ACP7: variants seen among roughly 807,000 people sequenced by gnomAD.
The protein encoded by ACP7 is acid phosphatase type 7.
ACP7 carries 58 observed loss-of-function variants against 60.6 expected under a neutral mutation model. That is an observed-to-expected ratio of 0.96 (90% CI 0.77 to 1.19). ACP7 has a LOEUF of 1.19. ACP7 is among the 50% of genes most tolerant of loss of function. The pLI is 0.00. For synonymous variants in ACP7, 237 were observed against 232.6 expected (o/e 1.02, Z -0.17); for missense variants, 574 against 596.2 (o/e 0.96, Z 0.39).
intron 12 of ACP7, among the ~76,000 whole-genome samples, chr19:39,109,479 C>T (rs186966719): frequency 2.0e-5 from 3 of 151,720 alleles, no homozygotes; most frequent in South Asian, 2.1e-4. Flanking sequence ...CTGAGGCAGG[C>T]GGATCACTTG....
chr19:39,102,116 T>TCACACACA (rs1491334043), intron 11 of ACP7, among the ~76,000 whole-genome samples: 6 of 68,168 alleles, frequency 8.8e-5, no homozygotes, highest in African/African-American at 4.5e-4. Flanking sequence ...TGAGACCCTT[T>TCACACACA]CTCTCACACA....
chr19:39,088,420 G>A (rs1034301774), intron 2 of ACP7, among the ~76,000 whole-genome samples: 1 of 152,170 alleles, frequency 6.6e-6, no homozygotes, highest in Admixed American at 6.6e-5. Context: ...TGGACAAAGC[G>A]CTTTGCCTGG....
At position 39,086,317 on chromosome 19, in the gene ACP7, A is replaced by G. The variant is rs568882882; in HGVS notation, c.121+927A>G. ...ACTCCAGCCTGGGCAACAGAGAGAG[A>G]CCCTGTCTTTAAAAAAAAAAATGTG... On this transcript the variant is annotated intron_variant, in intron 2 of 12. Coordinates refer to ENST00000331256, the MANE Select transcript of ACP7 (RefSeq NM_001004318.3). Among the ~76,000 whole-genome samples the G allele has an allele frequency of 8.7e-5, 13 of 149,888 alleles. No individual in the cohort carries two copies. The South Asian group carries it at 1.9e-3, about 22-fold the overall frequency.
chr19:39,103,441 G>GTTTTTTTTTTTTT (rs58293250), intron 11 of ACP7, among the ~76,000 whole-genome samples: 4 of 64,690 alleles, frequency 6.2e-5, no homozygotes, highest in African/African-American at 2.7e-4. Flanking sequence ...ATCATCATGT[G>GTTTTTTTTTTTTT]TTTTTTTTTT....
At chr19:39,098,189 G>T (rs1430619171) in intron 2 of ACP7, among the ~76,000 whole-genome samples, 1 of 136,010 alleles carries the variant, frequency 7.4e-6, no homozygotes, top group Non-Finnish European at 1.5e-5. Context: ...AGGCGGCAGA[G>T]ATTGCAGTAA....
chr19:39,104,297 T>C (rs946337587), intron 11 of ACP7, among the ~76,000 whole-genome samples: 2 of 151,974 alleles, frequency 1.3e-5, no homozygotes, highest in African/African-American at 4.8e-5. Flanking sequence ...CATGTTACTG[T>C]ATTGCTTACT....
intron 11 of ACP7, among the ~76,000 whole-genome samples, chr19:39,102,759 C>CT (rs1491405619): frequency 1.2e-5 from 1 of 84,406 alleles, no homozygotes; most frequent in African/African-American, 4.2e-5. Flanking sequence ...TTCTTTCTTT[C>CT]TTTCTTTCTC....
rs538461835 is a variant in ACP7 at position 39,101,271 on chromosome 19, C to T, written c.974-17C>T. On this transcript the variant is annotated splice_polypyrimidine_tract_variant and intron_variant, in intron 9 of 12. Transcript: ENST00000331256. ...CTCCCCAATTCAGAGGTCTGATCCCCGCTTGCTCTATCTCAGGAGTGGATC... is the reference window on the plus strand; with the variant it reads ...CTCCCCAATTCAGAGGTCTGATCCCTGCTTGCTCTATCTCAGGAGTGGATC... 43 of 1,614,228 alleles carry T rather than the reference C, an allele frequency of 2.7e-5. No homozygotes were observed. Among genetic ancestry groups the T allele is most frequent in the East Asian group, 6.7e-5 (3 of 44,880 alleles).
intron 2 of ACP7, among the ~76,000 whole-genome samples, chr19:39,093,175 C>CTTCCTTCCTTCCTTCCTTCCTTCT (rs2073227414): frequency 2.4e-5 from 1 of 42,260 alleles, no homozygotes. Flanking sequence ...TCTTTCTCTC[C>CTTCCTTCCTTCCTTCCTTCCTTCT]TTCCTTCCTT....
At chr19:39,092,370 GTA>G (rs59033785) in intron 2 of ACP7, among the ~76,000 whole-genome samples, 2,720 of 148,906 alleles carry the variant, frequency 0.018, 27 homozygotes, top group East Asian at 0.059. Context: ...GCGAAACTCT[GTA>G]TATATATATA....
intron 11 of ACP7, among the ~76,000 whole-genome samples, chr19:39,102,169 G>GGTGGCTAGGTGCA (rs978324839): frequency 1.4e-5 from 2 of 141,686 alleles, no homozygotes; most frequent in Non-Finnish European, 3.0e-5. Context: ...AAAGATACTG[G>GGTGGCTAGGTGCA]GTGGCTAGGT....
chr19:39,104,102 A>C (rs1044916587), intron 11 of ACP7, among the ~76,000 whole-genome samples: 2 of 151,046 alleles, frequency 1.3e-5, no homozygotes, highest in African/African-American at 4.9e-5. Flanking sequence ...TATTATCATT[A>C]TATATATGTA....
rs143246822 is a variant in ACP7, at chr19:39,094,234, C to T, written c.122-4224C>T. ...ATATGTTGTAGGCTGGGCGTGGTGG[C>T]TCACCCAAAGTGCTGATCCCAGCAC... is the stretch of plus-strand genomic sequence containing the variant. On this transcript the variant is annotated intron_variant, in intron 2 of 12. Coordinates refer to ENST00000331256, the MANE Select transcript of ACP7 (RefSeq NM_001004318.3). 2.6e-3 allele frequency among the ~76,000 whole-genome samples: 403 copies of T among 152,182 alleles called. 1 individual carries two copies. The highest frequency in any genetic ancestry group is 9.1e-3 in the African/African-American group (379 of 41,538).
chr19:39,091,712 C>T (rs1219855526), intron 2 of ACP7, among the ~76,000 whole-genome samples: 3 of 151,878 alleles, frequency 2.0e-5, no homozygotes, highest in African/African-American at 7.3e-5. Flanking sequence ...GAGTTCAAGA[C>T]CAGCCTGGCC....
chr19:39,109,685 TAAAAAAAAAAAAA>T (rs34682645), intron 12 of ACP7, among the ~76,000 whole-genome samples: 1 of 65,502 alleles, frequency 1.5e-5, no homozygotes, highest in Non-Finnish European at 2.6e-5. Context: ...AGACTCTGTC[TAAAAAAAAAAAAA>T]AAAAAAAAAA....
intron 11 of ACP7, among the ~76,000 whole-genome samples, chr19:39,105,338 A>G (rs1161210989): frequency 6.6e-6 from 1 of 151,838 alleles, no homozygotes; most frequent in Non-Finnish European, 1.5e-5. Flanking sequence ...TTTCATCAGA[A>G]ACATTCTCTA....
At chr19:39,106,666 G>T (rs1403667790) in intron 11 of ACP7, among the ~76,000 whole-genome samples, 3 of 152,180 alleles carry the variant, frequency 2.0e-5, no homozygotes, top group Non-Finnish European at 4.4e-5. Context: ...TGGGAGTACA[G>T]GTGCCCACCA....
Position 39,085,105 on chromosome 19 carries a change from A to G in ACP7, c.-165A>G. ...TTCTCTCTCCAGCACCTGGATAACCACCCATCTTGAAGGAGACCTCCCTGC... is the reference window on the plus strand; with the variant it reads ...TTCTCTCTCCAGCACCTGGATAACCGCCCATCTTGAAGGAGACCTCCCTGC... On this transcript the variant is annotated 5_prime_UTR_variant, in exon 2 of 13. Coordinates refer to ENST00000331256, the MANE Select transcript of ACP7 (RefSeq NM_001004318.3). 2.4e-6 allele frequency: 2 copies of G among 828,386 alleles called. No homozygotes were observed. Among genetic ancestry groups the G allele is most frequent in the Non-Finnish European group, 3.6e-6 (2 of 548,436 alleles). The allele number at this position is 828,386 out of a possible 1,614,324, so 51.3% of individuals were successfully genotyped here. A position where few individuals can be genotyped will look rare whatever the true frequency, so the allele number is the denominator to read the frequency against.
intron 2 of ACP7, among the ~76,000 whole-genome samples, chr19:39,096,067 T>A (rs1358214231): frequency 6.6e-6 from 1 of 152,226 alleles, no homozygotes; most frequent in Non-Finnish European, 1.5e-5. Flanking sequence ...CGCAAAGGTC[T>A]CTGACATGCC....
Sources: gnomAD v4.1 joint callset for allele counts (sites outside exome capture counted in the v4.1 genomes callset) on GRCh38, gnomAD v4.1.1 for gene constraint, MANE v1.5 for transcripts, NCBI Gene and HGNC (gene_info 2026-07-23, HGNC 2026-07-21) for gene names.